Variants in NSF observed in about 807,000 individuals in gnomAD.
NSF encodes N-ethylmaleimide sensitive factor, vesicle fusing ATPase.
A neutral mutation model predicts 50.3 loss-of-function variants in NSF; 14 were observed. The observed-to-expected ratio is 0.28, with a 90% CI of 0.18 to 0.44. The LOEUF (loss-of-function observed/expected upper bound fraction) is 0.44. Among genes scored for constraint, NSF ranks in the 20% least tolerant of loss-of-function variants. The probability of loss-of-function intolerance (pLI) is 1.00; values close to 1 mark genes in which losing one functional copy is unlikely to be tolerated. For missense variants in NSF, 218 were observed against 504.3 expected, an observed-to-expected ratio of 0.43 and a Z score of 5.44; for synonymous variants, 109 against 175.7, an observed-to-expected ratio of 0.62 and a Z score of 3.00.
intron 18 of NSF, among the ~76,000 whole-genome samples, chr17:46,750,486 G>A (rs572970449): frequency 2.6e-4 from 40 of 152,300 alleles, no homozygotes; most frequent in African/African-American, 8.7e-4. Flanking sequence ...TCCTTTGAAT[G>A]TCATGTTGGC....
intron 9 of NSF, among the ~76,000 whole-genome samples, chr17:46,676,505 T>G (rs1736998610): frequency 6.8e-6 from 1 of 146,830 alleles, no homozygotes; most frequent in Admixed American, 6.8e-5. Flanking sequence ...GTGCTGAGAT[T>G]ATAGGCGTGA....
intron 12 of NSF, among the ~76,000 whole-genome samples, chr17:46,695,738 TATCTTTG>T (rs897392131): frequency 6.7e-6 from 1 of 148,802 alleles, no homozygotes; most frequent in Non-Finnish European, 1.5e-5. Context: ...ACATCAGGAT[TATCTTTG>T]ATTCCTGGCA....
intron 15 of NSF, chr17:46,722,263 G>A (rs1484456756): frequency 1.9e-6 from 2 of 1,029,328 alleles, no homozygotes; most frequent in African/African-American, 1.6e-5. Flanking sequence ...GATTAATTTT[G>A]GGGGGAGTCT....
chr17:46,729,795 C>T (rs1333382018), intron 17 of NSF, among the ~76,000 whole-genome samples: 1 of 152,074 alleles, frequency 6.6e-6, no homozygotes, highest in African/African-American at 2.4e-5. Flanking sequence ...TTTAATTTAA[C>T]AGTTATATAT....
chr17:46,605,470 A>G (rs2057947223), intron 1 of NSF, among the ~76,000 whole-genome samples: 1 of 150,492 alleles, frequency 6.6e-6, no homozygotes, highest in Non-Finnish European at 1.5e-5. Context: ...AAAAGCTGTC[A>G]GAGAAAAAAG....
chr17:46,678,508 A>G (rs1791055613), intron 9 of NSF, among the ~76,000 whole-genome samples: 1 of 151,528 alleles, frequency 6.6e-6, no homozygotes, highest in African/African-American at 2.4e-5. Flanking sequence ...AGAGAGAGAG[A>G]GAATACCGTT....
chr17:46,754,730 A>G (rs767766717), intron 19 of NSF, among the ~76,000 whole-genome samples: 5 of 152,250 alleles, frequency 3.3e-5, no homozygotes, highest in Non-Finnish European at 5.9e-5. Context: ...TCGCAGTCAC[A>G]GGAGACCCAG....
intron 15 of NSF, chr17:46,721,435 C>T (rs2058829856): frequency 1.6e-6 from 1 of 609,118 alleles, no homozygotes; most frequent in African/African-American, 1.9e-5. Flanking sequence ...CCTTCTCTTT[C>T]AGACTTCCCT....
intron 17 of NSF, among the ~76,000 whole-genome samples, chr17:46,730,655 C>T (rs2058940121): frequency 1.3e-5 from 2 of 152,062 alleles, no homozygotes; most frequent in Non-Finnish European, 2.9e-5. Flanking sequence ...TCACAAATAC[C>T]TTATCAACAA....
chr17:46,726,760 C>T, intron 16 of NSF, 145 bp downstream of exon 16: 1 of 754,250 alleles, frequency 1.3e-6, no homozygotes, highest in East Asian at 2.6e-5. Flanking sequence ...ATAATGTTCT[C>T]TCTTAAATAG....
At chr17:46,751,215 T>C (rs1319589342) in intron 18 of NSF, among the ~76,000 whole-genome samples, 1 of 152,190 alleles carries the variant, frequency 6.6e-6, no homozygotes, top group Non-Finnish European at 1.5e-5. Flanking sequence ...TGTTAAAAAT[T>C]TTAACTTATA....
chr17:46,737,796 T>C (rs1319833260), intron 17 of NSF, among the ~76,000 whole-genome samples: 1 of 152,022 alleles, frequency 6.6e-6, no homozygotes, highest in African/African-American at 2.4e-5. Context: ...ATCCTGGTCT[T>C]GAAAGATGAG....
intron 11 of NSF, 91 bp from the exon 12 acceptor site, chr17:46,694,384 C>G: frequency 2.8e-6 from 3 of 1,061,772 alleles, no homozygotes; most frequent in Non-Finnish European, 4.0e-6. Flanking sequence ...GAGACTCTGT[C>G]TCAAAATAAT....
chr17:46,747,495 G>A (rs557461274), intron 17 of NSF, among the ~76,000 whole-genome samples: 1 of 152,170 alleles, frequency 6.6e-6, no homozygotes, highest in African/African-American at 2.4e-5. Context: ...ACCTAGACAA[G>A]TCTCAAACTC....
rs1173648789 is a variant in NSF at position 46,622,867 on chromosome 17, AT to A, written c.13-1376del. ...TTATACCCCAAAGGATTATCGTATA[AT>A]ACAAACACCCTTCAAGTACACATAT... On this transcript the variant is annotated intron_variant, in intron 1 of 20. Transcript: ENST00000398238. Among the ~76,000 whole-genome samples the A allele has an allele frequency of 2.0e-5, 3 of 146,942 alleles. No individual in the cohort carries two copies. The East Asian group carries it at 6.2e-4, about 30-fold the overall frequency.
chr17:46,710,429 C>G (rs2058708075), intron 13 of NSF, among the ~76,000 whole-genome samples: 1 of 152,100 alleles, frequency 6.6e-6, no homozygotes, highest in Non-Finnish European at 1.5e-5. Context: ...CTATCTCATC[C>G]TAAATCTTAT....
intron 17 of NSF, among the ~76,000 whole-genome samples, chr17:46,745,781 A>G (rs1326522955): frequency 6.6e-6 from 1 of 152,228 alleles, no homozygotes; most frequent in Non-Finnish European, 1.5e-5. Context: ...TATGTTCCCA[A>G]GTTTGCCATT....
At chr17:46,669,214 GA>G (rs1416354402) in intron 8 of NSF, among the ~76,000 whole-genome samples, 26 of 31,972 alleles carry the variant, frequency 8.1e-4, no homozygotes, top group Middle Eastern at 8.8e-3. Flanking sequence ...AACTGAATAA[GA>G]ATCTACACCT....
chr17:46,751,871 G>A (rs2059184666), intron 19 of NSF, among the ~76,000 whole-genome samples: 1 of 152,174 alleles, frequency 6.6e-6, no homozygotes, highest in Non-Finnish European at 1.5e-5. Flanking sequence ...CTAGGTCTTA[G>A]AACTAGAAAA....
Sources: gnomAD v4.1 joint callset for allele counts (sites outside exome capture counted in the v4.1 genomes callset) on GRCh38, gnomAD v4.1.1 for gene constraint, MANE v1.5 for transcripts, NCBI Gene and HGNC (gene_info 2026-07-23, HGNC 2026-07-21) for gene names.